The following MAST4 variants were observed in gnomAD, a reference collection of about 807,000 sequenced individuals.
MAST4 encodes microtubule associated serine/threonine kinase family member 4.
A neutral mutation model predicts 162.7 loss-of-function variants in MAST4; 89 were observed. The ratio of observed to expected loss-of-function variants is 0.55; its 90% CI spans 0.46 to 0.65. The LOEUF (loss-of-function observed/expected upper bound fraction) is 0.65. Ranked by LOEUF, MAST4 falls within the 30% of genes least tolerant of loss-of-function variation. The pLI, the probability that MAST4 is intolerant of heterozygous loss-of-function variation, is 0.00. For missense variants in MAST4, 3,153 were observed against 3,374.0 expected, an observed-to-expected ratio of 0.93 and a Z score of 1.62; for synonymous variants, 1,479 against 1,361.1, an observed-to-expected ratio of 1.09 and a Z score of -1.91.
chr5:66,637,453 G>C (rs1745197310), intron 1 of MAST4, among the ~76,000 whole-genome samples: 1 of 151,822 alleles, frequency 6.6e-6, no homozygotes, highest in South Asian at 2.1e-4. Context: ...CATGTTTGTG[G>C]GTAGCTTGCT....
At chr5:67,050,116 T>G (rs1306063710) in intron 4 of MAST4, among the ~76,000 whole-genome samples, 2 of 152,194 alleles carry the variant, frequency 1.3e-5, no homozygotes, top group Non-Finnish European at 2.9e-5. Context: ...TCTTTGTCCC[T>G]CACACTGAGC....
At chr5:66,718,174 C>T (rs367716154) in intron 1 of MAST4, among the ~76,000 whole-genome samples, 29 of 134,204 alleles carry the variant, frequency 2.2e-4, no homozygotes, top group East Asian at 2.2e-4. Context: ...GTTTTTTTTT[C>T]TTTTTTTTTT....
intron 4 of MAST4, among the ~76,000 whole-genome samples, chr5:66,926,579 C>T (rs13155056): frequency 6.6e-6 from 1 of 150,854 alleles, no homozygotes; most frequent in East Asian, 2.0e-4. Context: ...TATATATACA[C>T]ACACACACAC....
chr5:66,756,071 C>A (rs1383711391), intron 1 of MAST4, among the ~76,000 whole-genome samples: 1 of 152,048 alleles, frequency 6.6e-6, no homozygotes, highest in Non-Finnish European at 1.5e-5. Context: ...ACCTTTTATC[C>A]CTTAAGATGC....
chr5:66,851,510 G>A (rs1580653173), intron 3 of MAST4, among the ~76,000 whole-genome samples: 1 of 152,190 alleles, frequency 6.6e-6, no homozygotes. Flanking sequence ...TTCTTTTTGT[G>A]TTGGTCATTG....
chr5:66,658,697 C>T (rs1198675062), intron 1 of MAST4, among the ~76,000 whole-genome samples: 1 of 152,104 alleles, frequency 6.6e-6, no homozygotes, highest in African/African-American at 2.4e-5. Flanking sequence ...CCCTGGGTGC[C>T]AGACACTGTA....
At chr5:66,764,630 T>C (rs981551373) in intron 2 of MAST4, among the ~76,000 whole-genome samples, 5 of 151,844 alleles carry the variant, frequency 3.3e-5, no homozygotes, top group Non-Finnish European at 7.4e-5. Context: ...AACAAAAAAG[T>C]TTAAAAAGTA....
chr5:67,049,067 A>ACG (rs1281352363), intron 4 of MAST4, among the ~76,000 whole-genome samples: 1,432 of 141,580 alleles, frequency 0.01, 87 homozygotes, highest in African/African-American at 0.037. Flanking sequence ...ATACGTATAT[A>ACG]TATATATATA....
At chr5:67,049,008 C>CACACATATATATACGTATATAT (rs1362965159) in intron 4 of MAST4, among the ~76,000 whole-genome samples, 25 of 104,514 alleles carry the variant, frequency 2.4e-4, no homozygotes, top group African/African-American at 1.0e-3. Context: ...TATACACACA[C>CACACATATATATACGTATATAT]ATATATATAT....
intron 6 of MAST4, among the ~76,000 whole-genome samples, chr5:67,092,020 G>A (rs1763916944): frequency 1.3e-5 from 2 of 152,126 alleles, no homozygotes; most frequent in Admixed American, 6.5e-5. Flanking sequence ...TCAAATTGGT[G>A]TATTTTTATG....
chr5:66,775,071 C>T (rs1232423100), intron 2 of MAST4, among the ~76,000 whole-genome samples: 1 of 151,022 alleles, frequency 6.6e-6, no homozygotes, highest in African/African-American at 2.4e-5. Flanking sequence ...TGCTTAGTCA[C>T]ATGGGAGTCA....
chr5:66,664,435 C>CAAAAA (rs58704256), intron 1 of MAST4, among the ~76,000 whole-genome samples: 1,905 of 93,700 alleles, frequency 0.02, 78 homozygotes, highest in African/African-American at 0.072. Context: ...AACTCCATTT[C>CAAAAA]AAAAAAAAAA....
chr5:66,937,707 T>G (rs1742909711), intron 4 of MAST4, among the ~76,000 whole-genome samples: 1 of 152,174 alleles, frequency 6.6e-6, no homozygotes. Context: ...GAATCATGGT[T>G]GAGGTTCTCC....
chr5:66,652,946 T>C (rs1443520662), intron 1 of MAST4, among the ~76,000 whole-genome samples: 1 of 152,202 alleles, frequency 6.6e-6, no homozygotes, highest in East Asian at 1.9e-4. Flanking sequence ...CTTGTTAATG[T>C]GTATGTCAAT....
At chr5:66,727,444 A>T (rs1223399431) in intron 1 of MAST4, among the ~76,000 whole-genome samples, 1 of 152,166 alleles carries the variant, frequency 6.6e-6, no homozygotes, top group Non-Finnish European at 1.5e-5. Flanking sequence ...AATGGACAGG[A>T]TGTTTCTTCC....
chr5:66,666,076 T>C (rs1392078982), intron 1 of MAST4, among the ~76,000 whole-genome samples: 1 of 152,234 alleles, frequency 6.6e-6, no homozygotes, highest in Non-Finnish European at 1.5e-5. Flanking sequence ...ACTTCAGTTT[T>C]CCTAATTTGC....
intron 3 of MAST4, among the ~76,000 whole-genome samples, chr5:66,796,959 C>T (rs1383940140): frequency 1.3e-5 from 2 of 152,284 alleles, no homozygotes; most frequent in East Asian, 1.9e-4. Flanking sequence ...TTTTCAGAGG[C>T]TCCTGGTGCC....
intron 1 of MAST4, among the ~76,000 whole-genome samples, chr5:66,664,772 T>C (rs1747141579): frequency 6.6e-6 from 1 of 151,828 alleles, no homozygotes; most frequent in Non-Finnish European, 1.5e-5. Context: ...AAATAAACTA[T>C]CAGTATGTTC....
At chr5:66,817,542 C>G (rs1433973737) in intron 3 of MAST4, among the ~76,000 whole-genome samples, 1 of 152,100 alleles carries the variant, frequency 6.6e-6, no homozygotes, top group Non-Finnish European at 1.5e-5. Flanking sequence ...AAAATAATTC[C>G]CCATTGCCTT....
Sources: allele counts gnomAD v4.1 joint callset (sites outside exome capture counted in the v4.1 genomes callset), GRCh38; gene constraint gnomAD v4.1.1; transcripts MANE v1.5; gene names NCBI Gene and HGNC (gene_info 2026-07-23, HGNC 2026-07-21).